The following ZMIZ1 variants were observed in gnomAD, a reference collection of about 807,000 sequenced individuals.
ZMIZ1 encodes zinc finger MIZ-type containing 1, also known as zinc finger MIZ domain-containing protein 1.
Under a neutral mutation model 113.9 loss-of-function variants are expected in ZMIZ1, and 17 were observed. That is an observed-to-expected ratio of 0.15 (90% CI 0.10 to 0.22). The LOEUF is 0.22. ZMIZ1 is among the 10% of genes least tolerant of loss of function. The pLI is 1.00. For missense variants in ZMIZ1, 1,059 were observed against 1,477.8 expected (o/e 0.72, Z 4.65); for synonymous variants, 607 against 603.1 (o/e 1.01, Z -0.09).
chr10:79,085,177 C>T (rs1007262539), intron 1 of ZMIZ1, among the ~76,000 whole-genome samples: 3 of 152,232 alleles, frequency 2.0e-5, no homozygotes, highest in Non-Finnish European at 4.4e-5. Flanking sequence ...TGTCTCTTCT[C>T]TCTCCACTTC....
At chr10:79,312,207 A>G (rs1855218149) in intron 24 of ZMIZ1, among the ~76,000 whole-genome samples, 1 of 152,116 alleles carries the variant, frequency 6.6e-6, no homozygotes, top group East Asian at 1.9e-4. Flanking sequence ...GAGAAGAGGG[A>G]TGTTGGGGGG....
intron 5 of ZMIZ1, among the ~76,000 whole-genome samples, chr10:79,208,043 G>A (rs1309557160): frequency 1.3e-5 from 2 of 150,688 alleles, no homozygotes; most frequent in African/African-American, 4.9e-5. Context: ...CCACTGGGGT[G>A]GGGATGGGGG....
In ZMIZ1 at chr10:79,127,977, G is replaced by C. The variant is rs539194133; in HGVS notation, c.-227+8953G>C. 5.3e-5 allele frequency among the ~76,000 whole-genome samples: 8 copies of C among 152,302 alleles called. No homozygotes were observed. In the East Asian group the frequency reaches 1.4e-3, roughly 26 times the overall value. ...TGCCCCCTCAGCTACCTTTTTCCTGGGTGCTGGAAGCTAATTGCTTTGCAA... is the reference window on the plus strand; with the variant it reads ...TGCCCCCTCAGCTACCTTTTTCCTGCGTGCTGGAAGCTAATTGCTTTGCAA... On this transcript the variant is annotated intron_variant, in intron 2 of 24. Transcript: ENST00000334512.
At chr10:79,308,096 G>T (rs1854853340) in intron 23 of ZMIZ1, among the ~76,000 whole-genome samples, 1 of 152,202 alleles carries the variant, frequency 6.6e-6, no homozygotes, top group Non-Finnish European at 1.5e-5. Flanking sequence ...TGTGGCTGAG[G>T]ACGTCCCTGG....
At chr10:79,196,662 T>C (rs959756095) in intron 4 of ZMIZ1, among the ~76,000 whole-genome samples, 1 of 152,296 alleles carries the variant, frequency 6.6e-6, no homozygotes, top group Non-Finnish European at 1.5e-5. Context: ...CCGCTATGAC[T>C]AAACAGAAAA....
At chr10:79,174,471 T>A (rs1846741296) in intron 4 of ZMIZ1, among the ~76,000 whole-genome samples, 1 of 152,168 alleles carries the variant, frequency 6.6e-6, no homozygotes, top group Non-Finnish European at 1.5e-5. Flanking sequence ...CGGTGAGGGT[T>A]TTGATCTGTA....
chr10:79,240,822 C>T (rs1487847832), intron 7 of ZMIZ1, among the ~76,000 whole-genome samples: 1 of 151,824 alleles, frequency 6.6e-6, no homozygotes, highest in Non-Finnish European at 1.5e-5. Flanking sequence ...TTGAAGTTTC[C>T]TGGGCAATGC....
At chr10:79,073,178 G>A (rs1842351396) in intron 1 of ZMIZ1, among the ~76,000 whole-genome samples, 1 of 152,266 alleles carries the variant, frequency 6.6e-6, no homozygotes, top group African/African-American at 2.4e-5. Context: ...TCCTGTGCTG[G>A]ACCTTAGTCT....
At chr10:79,311,230 G>T (rs200966922) in intron 24 of ZMIZ1, 46 bp downstream of exon 24, 8 of 1,555,148 alleles carry the variant, frequency 5.1e-6, no homozygotes, top group Non-Finnish European at 6.1e-6. Context: ...TAGGCCTGGC[G>T]CCGGGACCTG....
intron 22 of ZMIZ1, 94 bp downstream of exon 22, chr10:79,306,438 G>A (rs965828349): frequency 1.6e-5 from 25 of 1,535,786 alleles, no homozygotes; most frequent in East Asian, 2.3e-5. Context: ...GGCAGGGGTC[G>A]GGGGTGTGGT....
intron 4 of ZMIZ1, among the ~76,000 whole-genome samples, chr10:79,180,757 C>T (rs1287173272): frequency 6.6e-6 from 1 of 152,234 alleles, no homozygotes. Context: ...AAAGTGCCCA[C>T]AAGAGACTTT....
chr10:79,231,028 C>T (rs1468497608), intron 7 of ZMIZ1, among the ~76,000 whole-genome samples: 3 of 152,250 alleles, frequency 2.0e-5, no homozygotes, highest in African/African-American at 7.2e-5. Flanking sequence ...CCTGTGCCTC[C>T]TCCTGGGGTG....
chr10:79,284,916 C>T lies in ZMIZ1; in HGVS notation c.426-4859C>T, dbSNP rs565116976. On this transcript the variant is annotated intron_variant, in intron 8 of 24. Transcript: ENST00000334512. ...TATAAAGAAATTCTTTCCTGGAAGA[C>T]TATTTGGGTTTTCTCTGCAGCTGGG... 2.6e-5 allele frequency among the ~76,000 whole-genome samples: 4 copies of T among 152,310 alleles called. No homozygotes were observed. The South Asian group carries it at 8.3e-4, about 32-fold the overall frequency.
chr10:79,070,852 C>T (rs896801881), intron 1 of ZMIZ1, among the ~76,000 whole-genome samples: 10 of 151,034 alleles, frequency 6.6e-5, no homozygotes, highest in African/African-American at 2.4e-4. Flanking sequence ...CTCCCTCCCT[C>T]CCTCCCGCTG....
In ZMIZ1 at chr10:79,311,267, C is replaced by T. The variant is rs1855139831; in HGVS notation, c.3096+83C>T. ...CCGAGAGAAGGGGTGGGTGTGAGGGCTCGAGGCCCCGAAGGGAGGAGGTGG... is the reference window on the plus strand; with the variant it reads ...CCGAGAGAAGGGGTGGGTGTGAGGGTTCGAGGCCCCGAAGGGAGGAGGTGG... On this transcript the variant is annotated intron_variant, in intron 24 of 24. Transcript: ENST00000334512. The T allele has an allele frequency of 2.4e-6, 3 of 1,266,362 alleles. No individual in the cohort carries two copies. The African/African-American group carries it at 4.6e-5, about 20-fold the overall frequency. The allele number at this position is 1,266,362 out of a possible 1,614,324, so 78.4% of individuals were successfully genotyped here.
rs72816283 is a variant in ZMIZ1, at chr10:79,182,918, T to C, written c.-49-18666T>C. Among the ~76,000 whole-genome samples, 1,231 of 152,370 alleles carry C rather than the reference T, an allele frequency of 8.1e-3. 6 individuals carry two copies. The highest frequency in any genetic ancestry group is 0.012 in the Non-Finnish European group (788 of 68,036). On this transcript the variant is annotated intron_variant, in intron 4 of 24. Transcript: ENST00000334512. ...CGGGTCTGTAGGTGTTTCAAGGCCC[T>C]GCCCTTCACCATCTGAGCAGTGAGG...
chr10:79,265,211 T>C (rs1006026896), intron 7 of ZMIZ1, among the ~76,000 whole-genome samples: 1 of 152,112 alleles, frequency 6.6e-6, no homozygotes, highest in African/African-American at 2.4e-5. Flanking sequence ...AGGGACAGGC[T>C]GTAGGCCCTC....
In ZMIZ1 at chr10:79,310,935, T is replaced by C. The variant is rs926913354; in HGVS notation, c.2847T>C (p.Ala949=). The change falls in exon 24 of 25, where the codon GCT becomes GCC. Residue 949 remains alanine, a synonymous_variant. Transcript: ENST00000334512. ...CTCCTCCTCCACAGATGCCACACGC[T>C]GGCAGCTCTGACCAGCCCCACCCCT... ...SHPMQETMPH[A]GSSDQPHPSI... 6 of 1,613,112 alleles carry C rather than the reference T, an allele frequency of 3.7e-6. No homozygotes were observed. Among genetic ancestry groups the C allele is most frequent in the Non-Finnish European group, 5.1e-6 (6 of 1,179,502 alleles).
intron 1 of ZMIZ1, among the ~76,000 whole-genome samples, chr10:79,114,482 TGTGTGTGTGTGC>T (rs757554719): frequency 0.04 from 4,989 of 124,570 alleles, 153 homozygotes; most frequent in Non-Finnish European, 0.06. Flanking sequence ...TGTGTCTGTG[TGTGTGTGTGTGC>T]GTGTGTGTGT....
Sources: allele counts gnomAD v4.1 joint callset (sites outside exome capture counted in the v4.1 genomes callset), GRCh38; gene constraint gnomAD v4.1.1; transcripts MANE v1.5; gene names NCBI Gene and HGNC (gene_info 2026-07-23, HGNC 2026-07-21).